The following MEIOSIN variants were observed in gnomAD, a reference collection of about 807,000 sequenced individuals.
The protein encoded by MEIOSIN is meiosis initiator.
MEIOSIN carries 18 observed loss-of-function variants against 23.4 expected under a neutral mutation model. The observed-to-expected ratio is 0.77, with a 90% confidence interval of 0.53 to 1.14. The LOEUF (loss-of-function observed/expected upper bound fraction) is 1.14. Ranked by LOEUF, MEIOSIN falls within the 50% of genes most tolerant of loss-of-function variation. The pLI, the probability that MEIOSIN is intolerant of heterozygous loss-of-function variation, is 0.00. For synonymous variants in MEIOSIN, 187 were observed against 100.6 expected, an observed-to-expected ratio of 1.86 and a Z score of -5.14; for missense variants, 428 against 242.9, an observed-to-expected ratio of 1.76 and a Z score of -5.07.
chr19:45,752,774 C>T (rs1341258013), intron 5 of MEIOSIN, among the ~76,000 whole-genome samples: 1 of 152,072 alleles, frequency 6.6e-6, no homozygotes, highest in South Asian at 2.1e-4. Context: ...CAGAGATGAG[C>T]CTGAGTCAGG....
chr19:45,761,935 C>G lies in MEIOSIN; in HGVS notation c.1435-4C>G, dbSNP rs1330770036. 3.3e-6 allele frequency: 2 copies of G among 598,154 alleles called. No homozygotes were observed. Among genetic ancestry groups the G allele is most frequent in the Non-Finnish European group, 6.0e-6 (2 of 332,518 alleles). The allele number at this position is 598,154 out of a possible 1,614,324, so 37.1% of individuals were successfully genotyped here. On this transcript the variant is annotated splice_polypyrimidine_tract_variant and splice_region_variant and intron_variant, in intron 12 of 14. Transcript: ENST00000457052. ...CCTCTCTCACCACCCTCTCCCTCCC[C>G]CAGGATATGCAGGCCAACCCTGTGG...
chr19:45,748,984 G>T (rs1355818284), intron 4 of MEIOSIN, among the ~76,000 whole-genome samples: 1 of 151,828 alleles, frequency 6.6e-6, no homozygotes, highest in African/African-American at 2.4e-5. Context: ...TGGGAGAATC[G>T]CTTGAACCTG....
intron 2 of MEIOSIN, among the ~76,000 whole-genome samples, chr19:45,736,930 A>G (rs913012886): frequency 8.3e-5 from 11 of 132,890 alleles, no homozygotes; most frequent in Admixed American, 5.4e-4. Context: ...CTGCAATGGC[A>G]TGAACTCGGC....
chr19:45,753,401 G>A (rs2146191600), intron 5 of MEIOSIN, among the ~76,000 whole-genome samples: 1 of 152,220 alleles, frequency 6.6e-6, no homozygotes, highest in South Asian at 2.1e-4. Flanking sequence ...TGCCCAGTCT[G>A]GGGAAGTGTT....
chr19:45,759,165 G>T (rs1011341334), intron 10 of MEIOSIN, 132 bp downstream of exon 10: 35 of 640,804 alleles, frequency 5.5e-5, no homozygotes, highest in Non-Finnish European at 9.3e-5. Flanking sequence ...ACGGCCTAGT[G>T]GGGGAGCAGC....
intron 2 of MEIOSIN, among the ~76,000 whole-genome samples, chr19:45,737,147 G>A (rs150394213): frequency 1.1e-3 from 173 of 151,738 alleles, no homozygotes; most frequent in Non-Finnish European, 1.8e-3. Context: ...AGGATTACAG[G>A]TGTGAGTCAG....
chr19:45,757,136 C>A, intron 8 of MEIOSIN, 41 bp from the exon 9 acceptor site: 1 of 700,716 alleles, frequency 1.4e-6, no homozygotes, highest in South Asian at 1.5e-5. Context: ...GTTTCTAGCC[C>A]AGAGTCTGTG....
chr19:45,753,828 C>A, intron 6 of MEIOSIN, 40 bp downstream of exon 6: 1 of 682,960 alleles, frequency 1.5e-6, no homozygotes, highest in South Asian at 1.5e-5. Flanking sequence ...AAGCCCAGGT[C>A]ACCCAGGAGC....
chr19:45,746,823 A>G (rs982209293), intron 4 of MEIOSIN, among the ~76,000 whole-genome samples: 4 of 151,742 alleles, frequency 2.6e-5, no homozygotes, highest in African/African-American at 9.7e-5. Flanking sequence ...TCTGTCTCAA[A>G]AGAAAAAAAA....
At position 45,733,632 on chromosome 19, in the gene MEIOSIN, CG is replaced by C. The variant is rs948237894; in HGVS notation, c.-30del. On this transcript the variant is annotated 5_prime_UTR_variant, in exon 1 of 15. Transcript: ENST00000457052. This position sits in a 1 kb window ranked among gnomAD's most constrained non-coding sequence, Gnocchi z 5.7. ...GTGGGGCCCGGAGAAACCAGAACGGCGGGGGCAGCCTCACGCCATTTTGCAC... is the reference window on the plus strand; with the variant it reads ...GTGGGGCCCGGAGAAACCAGAACGGCGGGGCAGCCTCACGCCATTTTGCAC... The C allele has an allele frequency of 1.3e-5, 2 of 152,280 alleles. No homozygotes were observed. The highest frequency in any genetic ancestry group is 2.4e-5 in the African/African-American group (1 of 41,462). 9.4% of individuals were successfully genotyped at this position (152,280 alleles called of 1,614,324 possible). A position where few individuals can be genotyped will look rare whatever the true frequency, so the allele number is the denominator to read the frequency against.
chr19:45,761,233 T>C (rs1373531995), intron 11 of MEIOSIN, among the ~76,000 whole-genome samples: 1 of 151,822 alleles, frequency 6.6e-6, no homozygotes, highest in Non-Finnish European at 1.5e-5. Flanking sequence ...TAAGCGATTC[T>C]TGTGCCTCAG....
Position 45,735,396 on chromosome 19 carries a change from A to G in MEIOSIN, c.20A>G (p.Tyr7Cys). The stretch of plus-strand genomic sequence containing the variant: ...TTGCAGATGTTTGGTTCCAGCAGAT[A>G]CTTGGGTTCCTCTGAACAGCCCAGA... MFGSSR[Y>C]LGSSEQPRAN... Residue 7 changes from tyrosine to cysteine, a missense_variant, in exon 2 of 15, where the codon TAC (tyrosine) becomes TGC (cysteine). Transcript: ENST00000457052. 1 of 702,778 alleles carries G rather than the reference A, an allele frequency of 1.4e-6. No individual in the cohort carries two copies. The highest frequency in any genetic ancestry group is 2.0e-5 in the Admixed American group (1 of 49,980). The allele number at this position is 702,778 out of a possible 1,614,324, so 43.5% of individuals were successfully genotyped here.
chr19:45,737,277 TCAAA>T (rs1312923881), intron 2 of MEIOSIN, among the ~76,000 whole-genome samples: 5 of 151,594 alleles, frequency 3.3e-5, no homozygotes, highest in Non-Finnish European at 5.9e-5. Context: ...CCTTCTGGGC[TCAAA>T]CAATCTTCCC....
chr19:45,751,830 A>C (rs1314155738), intron 5 of MEIOSIN, among the ~76,000 whole-genome samples: 1 of 151,088 alleles, frequency 6.6e-6, no homozygotes, highest in African/African-American at 2.4e-5. Flanking sequence ...TTCCAAGTTC[A>C]AGTGATTCTC....
chr19:45,735,564 A>G, intron 2 of MEIOSIN, 117 bp downstream of exon 2: 1 of 607,826 alleles, frequency 1.6e-6, no homozygotes. Context: ...TTTTGTTTGT[A>G]TGATAACTGT....
chr19:45,759,982 G>A (rs1968908539), intron 11 of MEIOSIN, among the ~76,000 whole-genome samples: 1 of 151,744 alleles, frequency 6.6e-6, no homozygotes, highest in Admixed American at 6.6e-5. Flanking sequence ...TGTATTTTTA[G>A]TAGAGATGGG....
At position 45,756,086 on chromosome 19, in the gene MEIOSIN, C is replaced by T. The variant is rs985176770; in HGVS notation, c.911+8C>T. The T allele has an allele frequency of 1.1e-5, 8 of 702,474 alleles. No homozygotes were observed. In the African/African-American group the frequency reaches 1.4e-4, roughly 12 times the overall value. The allele number at this position is 702,474 out of a possible 1,614,324, so 43.5% of individuals were successfully genotyped here. The stretch of plus-strand genomic sequence containing the variant: ...GACCCAGCCCCATCCCAGGTAAGGG[C>T]GTCCCCAGGGCACTGAGTGAGTGGT... On this transcript the variant is annotated splice_region_variant and intron_variant, in intron 8 of 14. Transcript: ENST00000457052.
intron 3 of MEIOSIN, among the ~76,000 whole-genome samples, chr19:45,740,279 A>G (rs1234535637): frequency 6.6e-6 from 1 of 152,228 alleles, no homozygotes; most frequent in Non-Finnish European, 1.5e-5. Flanking sequence ...ACAGGCACAG[A>G]GAAGTGAAAG....
chr19:45,740,966 T>C (rs2146176148), intron 3 of MEIOSIN, among the ~76,000 whole-genome samples: 1 of 152,180 alleles, frequency 6.6e-6, no homozygotes, highest in Non-Finnish European at 1.5e-5. Context: ...TGTTAGGCAT[T>C]ATTCCAGGAC....
Sources: gnomAD v4.1 joint callset for allele counts (sites outside exome capture counted in the v4.1 genomes callset) on GRCh38, gnomAD v4.1.1 for gene constraint, Gnocchi (gnomAD v3.1) non-coding constraint, MANE v1.5 for transcripts, NCBI Gene and HGNC (gene_info 2026-07-23, HGNC 2026-07-21) for gene names.